Variants in CNTN5 observed in about 807,000 individuals in gnomAD.
CNTN5 encodes contactin 5, also known as contactin-5.
A neutral mutation model predicts 129.1 loss-of-function variants in CNTN5; 77 were observed. That is an observed-to-expected ratio of 0.60 (90% CI 0.50 to 0.72). The LOEUF (loss-of-function observed/expected upper bound fraction) is 0.72. Ranked by LOEUF, CNTN5 falls within the 30% of genes least tolerant of loss-of-function variation. CNTN5 has a pLI of 0.00. For synonymous variants in CNTN5, 509 were observed against 465.6 expected, an observed-to-expected ratio of 1.09 and a Z score of -1.20; for missense variants, 1,478 against 1,328.8, an observed-to-expected ratio of 1.11 and a Z score of -1.75.
intron 2 of CNTN5, among the ~76,000 whole-genome samples, chr11:99,549,144 G>T (rs1948397977): frequency 6.6e-6 from 1 of 150,800 alleles, no homozygotes; most frequent in East Asian, 2.0e-4. Flanking sequence ...AATATCTGAA[G>T]TCTTTGCTGG....
intron 18 of CNTN5, among the ~76,000 whole-genome samples, chr11:100,277,100 T>G (rs1308489611): frequency 6.6e-6 from 1 of 152,148 alleles, no homozygotes; most frequent in Non-Finnish European, 1.5e-5. Context: ...CTGGCTTATT[T>G]CACTTAACAT....
chr11:99,829,823 G>A (rs1303774634), intron 4 of CNTN5, among the ~76,000 whole-genome samples: 4 of 152,130 alleles, frequency 2.6e-5, no homozygotes, highest in Non-Finnish European at 4.4e-5. Context: ...TAGGTTAATT[G>A]AAAGCTCTTA....
At chr11:99,565,478 T>G (rs912124086) in intron 3 of CNTN5, among the ~76,000 whole-genome samples, 4 of 152,186 alleles carry the variant, frequency 2.6e-5, no homozygotes, top group African/African-American at 9.6e-5. Context: ...AGACAACCTT[T>G]GTTTACAGTG....
intron 2 of CNTN5, among the ~76,000 whole-genome samples, chr11:99,350,419 T>C (rs1938215065): frequency 6.6e-6 from 1 of 152,184 alleles, no homozygotes; most frequent in Non-Finnish European, 1.5e-5. Flanking sequence ...TAAATGTAAA[T>C]ATAGATATGC....
chr11:99,111,476 T>C (rs1299495433), intron 1 of CNTN5, among the ~76,000 whole-genome samples: 1 of 152,084 alleles, frequency 6.6e-6, no homozygotes, highest in Non-Finnish European at 1.5e-5. Context: ...GTGATACATG[T>C]TGAACTTTCT....
At chr11:100,149,738 C>CA (rs922340888) in intron 13 of CNTN5, among the ~76,000 whole-genome samples, 2 of 151,262 alleles carry the variant, frequency 1.3e-5, no homozygotes, top group Non-Finnish European at 3.0e-5. Context: ...AATAAAAATA[C>CA]AAAAAAATTA....
intron 3 of CNTN5, among the ~76,000 whole-genome samples, chr11:99,808,789 T>G (rs758228237): frequency 1.9e-4 from 29 of 152,236 alleles, no homozygotes; most frequent in Non-Finnish European, 3.2e-4. Flanking sequence ...ATCAGCTGCT[T>G]CTTACTAGAT....
intron 1 of CNTN5, among the ~76,000 whole-genome samples, chr11:99,131,133 A>T (rs1317969086): frequency 1.4e-5 from 1 of 69,218 alleles, no homozygotes; most frequent in Non-Finnish European, 3.0e-5. Context: ...CTGTAATCCC[A>T]GCTACTCAGG....
chr11:100,297,493 T>C, intron 18 of CNTN5, 132 bp from the exon 19 acceptor site: 1 of 698,162 alleles, frequency 1.4e-6, no homozygotes, highest in Non-Finnish European at 2.6e-6. Context: ...GGTGTTTCTG[T>C]CACCAATATT....
intron 6 of CNTN5, among the ~76,000 whole-genome samples, chr11:99,901,047 T>C (rs1482569240): frequency 6.6e-6 from 1 of 152,162 alleles, no homozygotes; most frequent in East Asian, 1.9e-4. Flanking sequence ...ACATAGCTTC[T>C]CTGAGCTTCA....
intron 2 of CNTN5, among the ~76,000 whole-genome samples, chr11:99,511,463 C>G (rs1296287630): frequency 5.9e-5 from 9 of 151,634 alleles, no homozygotes; most frequent in Non-Finnish European, 1.2e-4. Context: ...TTACTTCCAA[C>G]TATGTGGTCA....
intron 18 of CNTN5, among the ~76,000 whole-genome samples, chr11:100,289,969 G>C (rs1449551610): frequency 2.0e-5 from 3 of 150,340 alleles, no homozygotes; most frequent in African/African-American, 7.3e-5. Flanking sequence ...ACCAACAACA[G>C]ACAGAGAGCC....
At chr11:99,309,131 G>A (rs1460623353) in intron 1 of CNTN5, among the ~76,000 whole-genome samples, 1 of 151,262 alleles carries the variant, frequency 6.6e-6, no homozygotes, top group Non-Finnish European at 1.5e-5. Flanking sequence ...TTATAGGCCT[G>A]CATGTTAATA....
chr11:99,498,005 T>C (rs1357703192), intron 2 of CNTN5, among the ~76,000 whole-genome samples: 2 of 152,152 alleles, frequency 1.3e-5, no homozygotes, highest in Non-Finnish European at 2.9e-5. Context: ...TATCATTTTC[T>C]ACATGTTAGC....
intron 4 of CNTN5, among the ~76,000 whole-genome samples, chr11:99,821,823 C>A (rs910114100): frequency 1.3e-5 from 2 of 152,264 alleles, no homozygotes; most frequent in Admixed American, 6.5e-5. Flanking sequence ...GTGGATGATA[C>A]TTACTGAGTG....
intron 17 of CNTN5, among the ~76,000 whole-genome samples, chr11:100,265,828 C>A (rs559099118): frequency 7.9e-5 from 12 of 152,240 alleles, no homozygotes; most frequent in African/African-American, 2.6e-4. Flanking sequence ...CACTTGCAGA[C>A]CTCTTTTCCA....
At chr11:99,723,385 C>T (rs993825856) in intron 3 of CNTN5, among the ~76,000 whole-genome samples, 12 of 152,094 alleles carry the variant, frequency 7.9e-5, no homozygotes, top group African/African-American at 2.9e-4. Context: ...GGCAAGCACA[C>T]TATATTCCCC....
At chr11:100,253,337 T>G (rs534751133) in intron 16 of CNTN5, among the ~76,000 whole-genome samples, 1 of 152,262 alleles carries the variant, frequency 6.6e-6, no homozygotes, top group South Asian at 2.1e-4. Context: ...CTCATTAGAA[T>G]GAACTCTCTG....
intron 9 of CNTN5, among the ~76,000 whole-genome samples, chr11:100,038,506 C>T (rs1258505860): frequency 6.6e-6 from 1 of 152,152 alleles, no homozygotes; most frequent in Non-Finnish European, 1.5e-5. Flanking sequence ...GAGCTGAGTT[C>T]AATTGCTGGG....
Sources: gnomAD v4.1 joint callset for allele counts (sites outside exome capture counted in the v4.1 genomes callset) on GRCh38, gnomAD v4.1.1 for gene constraint, MANE v1.5 for transcripts, NCBI Gene and HGNC (gene_info 2026-07-23, HGNC 2026-07-21) for gene names.